SACM1L: variants seen among roughly 807,000 people sequenced by gnomAD.
The protein encoded by SACM1L is phosphatidylinositol-3-phosphatase SAC1.
Under a neutral mutation model 89.5 loss-of-function variants are expected in SACM1L, and 32 were observed. The observed-to-expected ratio is 0.36, with a 90% CI of 0.27 to 0.48. The LOEUF (loss-of-function observed/expected upper bound fraction) is 0.48. SACM1L is among the 20% of genes least tolerant of loss of function. The probability of loss-of-function intolerance (pLI) is 0.99; values close to 1 mark genes in which losing one functional copy is unlikely to be tolerated. For synonymous variants in SACM1L, 213 were observed against 232.8 expected, an observed-to-expected ratio of 0.92 and a Z score of 0.77; for missense variants, 543 against 708.5, an observed-to-expected ratio of 0.77 and a Z score of 2.65.
intron 18 of SACM1L, among the ~76,000 whole-genome samples, chr3:45,739,244 C>G (rs1416574283): frequency 6.6e-6 from 1 of 152,070 alleles, no homozygotes; most frequent in African/African-American, 2.4e-5. Flanking sequence ...TTCACCAGAC[C>G]CTGCAAGAGC....
At chr3:45,740,004 A>T (rs1001857766) in intron 19 of SACM1L, 2 of 240,042 alleles carry the variant, frequency 8.3e-6, no homozygotes, top group Non-Finnish European at 1.6e-5. Context: ...GCTTTTTCCA[A>T]AGAGGGTTTT....
intron 2 of SACM1L, among the ~76,000 whole-genome samples, chr3:45,703,985 C>T (rs1559538348): frequency 6.6e-6 from 1 of 152,034 alleles, no homozygotes; most frequent in Admixed American, 6.5e-5. Context: ...ATAAAATATA[C>T]TTCACTGACT....
At position 45,743,836 on chromosome 3, in the gene SACM1L, C is replaced by T; in HGVS notation, c.*167C>T. 1 of 555,522 alleles carries T rather than the reference C, an allele frequency of 1.8e-6. No individual in the cohort carries two copies. Among genetic ancestry groups the T allele is most frequent in the Non-Finnish European group, 3.0e-6 (1 of 333,400 alleles). 34.4% of individuals were successfully genotyped at this position (555,522 alleles called of 1,614,324 possible). Reference sequence around the variant, plus strand: ...TGACAGAATTGATCTGATGTTACTGCCTTGATGGTCTCTTTACTATTGGGA... The same window carrying T: ...TGACAGAATTGATCTGATGTTACTGTCTTGATGGTCTCTTTACTATTGGGA... On this transcript the variant is annotated 3_prime_UTR_variant, in exon 20 of 20. Transcript: ENST00000389061.
intron 11 of SACM1L, 45 bp downstream of exon 11, chr3:45,723,588 T>C (rs771228484): frequency 1.9e-6 from 2 of 1,074,644 alleles, no homozygotes; most frequent in Admixed American, 2.6e-5. Flanking sequence ...GCCTTAACTT[T>C]TTCTTGACAG....
chr3:45,702,721 A>G (rs568172625), intron 1 of SACM1L, among the ~76,000 whole-genome samples: 10 of 152,246 alleles, frequency 6.6e-5, no homozygotes, highest in African/African-American at 2.4e-4. Flanking sequence ...TTCTTGAGAA[A>G]CCAACTGTTA....
chr3:45,713,778 A>C (rs977511668), intron 6 of SACM1L: 5 of 224,560 alleles, frequency 2.2e-5, no homozygotes, highest in Admixed American at 1.1e-4. Context: ...TGGAGGAGTG[A>C]AGTTGTTGTA....
intron 1 of SACM1L, 166 bp downstream of exon 1, chr3:45,689,663 G>C: frequency 1.3e-6 from 1 of 790,670 alleles, no homozygotes; most frequent in East Asian, 2.7e-5. Context: ...CCTCGCCCGA[G>C]TAGCCATAGG....
At position 45,697,258 on chromosome 3, in the gene SACM1L, C is replaced by T. The variant is rs376175705; in HGVS notation, c.33-6180C>T. 4.9e-3 allele frequency among the ~76,000 whole-genome samples: 426 copies of T among 86,604 alleles called. 1 individual carries two copies. Among genetic ancestry groups the T allele is most frequent in the African/African-American group, 0.015 (351 of 23,308 alleles). The allele number at this position is 86,604 out of a possible 152,430, so 56.8% of individuals were successfully genotyped here. On this transcript the variant is annotated intron_variant, in intron 1 of 19. Transcript: ENST00000389061. The stretch of plus-strand genomic sequence containing the variant: ...CTCAAGATCCTCCTGCTTTGTTTTT[C>T]TTTTCTTTTCCTTTTTTTTTTTTTT...
intron 5 of SACM1L, 33 bp downstream of exon 5, chr3:45,709,680 G>A (rs564653518): frequency 5.1e-6 from 8 of 1,572,196 alleles, no homozygotes; most frequent in African/African-American, 1.4e-5. Context: ...TTTATTTTTA[G>A]GTTTTTAAAA....
chr3:45,742,608 A>C (rs1222582225), intron 19 of SACM1L: 1 of 152,240 alleles, frequency 6.6e-6, no homozygotes. Flanking sequence ...AACCTTTATG[A>C]ACTTCGGACT....
intron 11 of SACM1L, among the ~76,000 whole-genome samples, chr3:45,730,308 T>G (rs577062061): frequency 2.2e-3 from 329 of 150,298 alleles, no homozygotes; most frequent in Non-Finnish European, 3.9e-3. Flanking sequence ...TTTGCTGGGG[T>G]TTTTTTTGTT....
chr3:45,690,325 C>A (rs1042877490), intron 1 of SACM1L: 3 of 152,226 alleles, frequency 2.0e-5, no homozygotes, highest in Admixed American at 2.0e-4. Flanking sequence ...GTACTCACTT[C>A]GTGTTTAATG....
At chr3:45,730,963 A>G (rs1013407534) in intron 11 of SACM1L, among the ~76,000 whole-genome samples, 2 of 152,190 alleles carry the variant, frequency 1.3e-5, no homozygotes, top group Non-Finnish European at 2.9e-5. Flanking sequence ...TGCCTCCTCT[A>G]GTTTGATGAG....
rs182200772 is a variant in SACM1L, at chr3:45,735,817, A to G, written c.1239+444A>G. On this transcript the variant is annotated intron_variant, in intron 14 of 19. Transcript: ENST00000389061. ...CAGTTTACACTGACACCAATAATGA[A>G]TCAGTAAATCCATTTCATTGAACTC... Among the ~76,000 whole-genome samples, 31 of 152,326 alleles carry G rather than the reference A, an allele frequency of 2.0e-4. 1 individual carries two copies. The highest frequency in any genetic ancestry group is 5.3e-4 in the African/African-American group (22 of 41,570).
intron 3 of SACM1L, 53 bp downstream of exon 3, chr3:45,705,262 A>ACT: frequency 2.8e-6 from 3 of 1,069,436 alleles, no homozygotes; most frequent in African/African-American, 1.6e-5. Flanking sequence ...AAGGTAGTTA[A>ACT]ATTGTTAATA....
intron 11 of SACM1L, among the ~76,000 whole-genome samples, chr3:45,726,380 C>T (rs1159885240): frequency 6.6e-6 from 1 of 151,504 alleles, no homozygotes; most frequent in Non-Finnish European, 1.5e-5. Context: ...GTTTTCATTA[C>T]TGATTCAATC....
chr3:45,691,208 T>C (rs544005975), intron 1 of SACM1L, among the ~76,000 whole-genome samples: 25 of 152,342 alleles, frequency 1.6e-4, no homozygotes, highest in African/African-American at 6.0e-4. Flanking sequence ...TGAAAGTCAT[T>C]CTCTCATTTG....
At chr3:45,738,192 A>T (rs755990559) in intron 16 of SACM1L, among the ~76,000 whole-genome samples, 6 of 152,194 alleles carry the variant, frequency 3.9e-5, no homozygotes, top group Non-Finnish European at 8.8e-5. Context: ...AGTAATGAGG[A>T]CATTAATGAG....
intron 1 of SACM1L, among the ~76,000 whole-genome samples, chr3:45,697,808 G>A (rs904161736): frequency 6.6e-5 from 10 of 152,090 alleles, no homozygotes; most frequent in Non-Finnish European, 1.3e-4. Context: ...ATAGTGAATT[G>A]GAGGCTAATC....
Sources: gnomAD v4.1 joint callset for allele counts (sites outside exome capture counted in the v4.1 genomes callset) on GRCh38, gnomAD v4.1.1 for gene constraint, MANE v1.5 for transcripts, NCBI Gene and HGNC (gene_info 2026-07-23, HGNC 2026-07-21) for gene names.